The following GPC3 variants were observed in gnomAD, a reference collection of about 807,000 sequenced individuals.
GPC3 encodes the protein glypican-3.
GPC3 carries 3 observed loss-of-function variants against 34.4 expected under a neutral mutation model. The observed-to-expected ratio is 0.09, with a 90% CI of 0.04 to 0.23. The LOEUF (loss-of-function observed/expected upper bound fraction) is 0.23. GPC3 is among the 10% of genes least tolerant of loss of function. The pLI is 1.00. For synonymous variants in GPC3, 177 were observed against 174.0 expected (o/e 1.02, Z -0.13); for missense variants, 351 against 445.6 (o/e 0.79, Z 1.91).
chrX:133,944,430 CCTT>C (rs1357993599), intron 2 of GPC3, among the ~76,000 whole-genome samples: 1 of 111,997 alleles, frequency 8.9e-6, no homozygotes, highest in Non-Finnish European at 1.9e-5. Context: ...TTTTTGTTCT[CCTT>C]CTTTTCTTAA....
intron 7 of GPC3, among the ~76,000 whole-genome samples, chrX:133,567,583 C>T (rs1160534285): frequency 8.9e-6 from 1 of 111,961 alleles, no homozygotes; most frequent in African/African-American, 3.2e-5. Flanking sequence ...CTTGCCTTAG[C>T]TCCTGAAAAT....
At chrX:133,903,048 C>T (rs2076151587) in intron 2 of GPC3, among the ~76,000 whole-genome samples, 1 of 109,824 alleles carries the variant, frequency 9.1e-6, no homozygotes, top group Non-Finnish European at 1.9e-5. Context: ...AGTTCAAGAC[C>T]AGCCTGGCAG....
chrX:133,735,265 G>C (rs1021460786), intron 3 of GPC3, among the ~76,000 whole-genome samples: 2 of 111,532 alleles, frequency 1.8e-5, no homozygotes, highest in African/African-American at 6.5e-5. Context: ...TAGACATAGA[G>C]ATCAATAAAA....
chrX:133,911,822 T>C (rs541393446), intron 2 of GPC3, among the ~76,000 whole-genome samples: 1 of 112,061 alleles, frequency 8.9e-6, no homozygotes, highest in South Asian at 3.8e-4. Flanking sequence ...TGGTTTGGCA[T>C]GTGCAACATC....
At chrX:133,809,956 C>G (rs1432684680) in intron 2 of GPC3, among the ~76,000 whole-genome samples, 1 of 111,920 alleles carries the variant, frequency 8.9e-6, no homozygotes, top group Admixed American at 9.5e-5. Context: ...GCAAGCAAAC[C>G]TAGTGTGTGA....
At chrX:133,823,737 T>C (rs1337447675) in intron 2 of GPC3, among the ~76,000 whole-genome samples, 1 of 111,047 alleles carries the variant, frequency 9.0e-6, no homozygotes, top group East Asian at 2.8e-4. Context: ...CTCAGTGCTT[T>C]GGGAGGATGA....
At chrX:133,763,424 C>T (rs1419253467) in intron 2 of GPC3, 16 of 537,049 alleles carry the variant, frequency 3.0e-5, no homozygotes, top group Non-Finnish European at 5.4e-5. Context: ...CCTGAAGAGA[C>T]TGAAAAAGAA....
At chrX:133,621,816 C>T (rs893531633) in intron 6 of GPC3, among the ~76,000 whole-genome samples, 2 of 112,195 alleles carry the variant, frequency 1.8e-5, no homozygotes, top group Non-Finnish European at 3.8e-5. Flanking sequence ...GTCCTCCCAG[C>T]ATGGAGTTTG....
chrX:133,867,971 G>A (rs962149346), intron 2 of GPC3, among the ~76,000 whole-genome samples: 22 of 108,973 alleles, frequency 2.0e-4, no homozygotes, highest in Middle Eastern at 4.7e-3. Context: ...CCAGCTCCCC[G>A]TCCATCCCAC....
At chrX:133,816,211 C>T (rs370354714) in intron 2 of GPC3, among the ~76,000 whole-genome samples, 2 of 110,608 alleles carry the variant, frequency 1.8e-5, no homozygotes, top group East Asian at 2.8e-4. Flanking sequence ...TGCCACCATG[C>T]CTGGCTAGTA....
rs187575642 is a variant in GPC3 at position 133,920,035 on chromosome X, C to A, written c.337+33015G>T. ...AAAAAATTAGCCAGGCATGGTGGCACATGCCTGTAGTCCCAGCTACTTAGG... is the reference window on the plus strand; with the variant it reads ...AAAAAATTAGCCAGGCATGGTGGCAAATGCCTGTAGTCCCAGCTACTTAGG... On this transcript the variant is annotated intron_variant, in intron 2 of 7. Coordinates refer to ENST00000370818, the MANE Select transcript of GPC3 (RefSeq NM_004484.4). Among the ~76,000 whole-genome samples, 54 of 107,845 alleles carry A rather than the reference C, an allele frequency of 5.0e-4. 1 individual carries two copies. In the East Asian group the frequency reaches 0.013, roughly 27 times the overall value. 93.7% of individuals were successfully genotyped at this position (107,845 alleles called of 115,157 possible).
chrX:133,683,605 A>G (rs978148716), intron 5 of GPC3, among the ~76,000 whole-genome samples: 2 of 112,116 alleles, frequency 1.8e-5, no homozygotes, highest in South Asian at 7.5e-4. Context: ...TAAGCTATCC[A>G]GTATTCAACA....
chrX:133,563,427 A>T (rs1392098493), intron 7 of GPC3, among the ~76,000 whole-genome samples: 1 of 112,113 alleles, frequency 8.9e-6, no homozygotes, highest in East Asian at 2.8e-4. Flanking sequence ...TTGTGTCAAG[A>T]TAGTTATACT....
At chrX:133,827,104 G>A (rs2075751241) in intron 2 of GPC3, among the ~76,000 whole-genome samples, 1 of 111,714 alleles carries the variant, frequency 9.0e-6, no homozygotes, top group African/African-American at 3.3e-5. Flanking sequence ...GGGTTCTATT[G>A]TATATGAATT....
At chrX:133,958,711 AAAAAAAAAAAAAC>A (rs922110116) in intron 1 of GPC3, among the ~76,000 whole-genome samples, 9 of 103,955 alleles carry the variant, frequency 8.7e-5, no homozygotes, top group Admixed American at 4.1e-4. Context: ...TCTCTACTGA[AAAAAAAAAAAAAC>A]AAAAAAAAAA....
At chrX:133,881,615 C>T (rs1390915055) in intron 2 of GPC3, among the ~76,000 whole-genome samples, 1 of 112,501 alleles carries the variant, frequency 8.9e-6, no homozygotes, top group Admixed American at 9.4e-5. Flanking sequence ...ACACCCCACA[C>T]TTTTGGTTGG....
At chrX:133,582,963 A>G (rs1401545120) in intron 7 of GPC3, among the ~76,000 whole-genome samples, 2 of 111,704 alleles carry the variant, frequency 1.8e-5, no homozygotes, top group East Asian at 2.8e-4. Context: ...GGGAGAAATG[A>G]GAACTGGATT....
chrX:133,562,107 T>C (rs1437461743), intron 7 of GPC3, among the ~76,000 whole-genome samples: 2 of 112,367 alleles, frequency 1.8e-5, no homozygotes, highest in Non-Finnish European at 3.8e-5. Context: ...AATATGTACA[T>C]GCACAGACAT....
chrX:133,921,453 G>T (rs1210101032), intron 2 of GPC3, among the ~76,000 whole-genome samples: 4 of 112,459 alleles, frequency 3.6e-5, no homozygotes, highest in African/African-American at 1.3e-4. Context: ...AAAGTGATTT[G>T]CTCAGCAAAC....
Sources: gnomAD v4.1 joint callset for allele counts (sites outside exome capture counted in the v4.1 genomes callset) on GRCh38, gnomAD v4.1.1 for gene constraint, MANE v1.5 for transcripts, NCBI Gene and HGNC (gene_info 2026-07-23, HGNC 2026-07-21) for gene names.